The following SLC24A4 variants were observed in gnomAD, a reference collection of about 807,000 sequenced individuals.
SLC24A4 encodes sodium/potassium/calcium exchanger 4.
Under a neutral mutation model 79.0 loss-of-function variants are expected in SLC24A4, and 53 were observed. The observed-to-expected ratio is 0.67, with a 90% confidence interval of 0.54 to 0.84. The LOEUF is 0.84. Among genes scored for constraint, SLC24A4 ranks in the 40% least tolerant of loss-of-function variants. SLC24A4 has a pLI of 0.00. For synonymous variants in SLC24A4, 323 were observed against 323.8 expected, an observed-to-expected ratio of 1.00 and a Z score of 0.03; for missense variants, 731 against 822.0, an observed-to-expected ratio of 0.89 and a Z score of 1.35.
chr14:92,324,176 G>T (rs571874818), intron 1 of SLC24A4, among the ~76,000 whole-genome samples: 32 of 147,930 alleles, frequency 2.2e-4, no homozygotes, highest in African/African-American at 7.3e-4. Flanking sequence ...AGCGGCCCCT[G>T]GGGGGGCTCA....
At chr14:92,447,332 G>C in intron 8 of SLC24A4, 39 bp from the exon 9 acceptor site, 1 of 1,604,742 alleles carries the variant, frequency 6.2e-7, no homozygotes, top group Non-Finnish European at 8.5e-7. Context: ...CCTGCCCCGG[G>C]CCCCGAGCTC....
At chr14:92,440,668 C>G (rs1892441271) in intron 4 of SLC24A4, among the ~76,000 whole-genome samples, 1 of 151,750 alleles carries the variant, frequency 6.6e-6, no homozygotes, top group Admixed American at 6.6e-5. Flanking sequence ...TAGAGGTGAG[C>G]AAGGGTGGTG....
chr14:92,445,761 T>C (rs1290989686), intron 8 of SLC24A4, among the ~76,000 whole-genome samples: 1 of 152,134 alleles, frequency 6.6e-6, no homozygotes, highest in Non-Finnish European at 1.5e-5. Context: ...CAACACAACA[T>C]CAGATCCCTA....
At chr14:92,339,539 C>T (rs756711437) in intron 2 of SLC24A4, among the ~76,000 whole-genome samples, 2 of 152,182 alleles carry the variant, frequency 1.3e-5, no homozygotes, top group Non-Finnish European at 2.9e-5. Context: ...TCTCCCAGCT[C>T]GGAATTGGCA....
rs1331468912 is a variant in SLC24A4, at chr14:92,487,895, G to A, written c.1537+1115G>A. On this transcript the variant is annotated intron_variant, in intron 14 of 16. Transcript: ENST00000532405. ...CGCAATCCTTGGGTCTCCCTGGCTT[G>A]TAGCTGCATCACTCCAATCTCTGCC... is the stretch of plus-strand genomic sequence containing the variant. Among the ~76,000 whole-genome samples the A allele has an allele frequency of 3.3e-5, 5 of 152,110 alleles. No individual in the cohort carries two copies. In the South Asian group the frequency reaches 6.2e-4, roughly 19 times the overall value.
chr14:92,367,521 A>T (rs6575251), intron 2 of SLC24A4, among the ~76,000 whole-genome samples: 3 of 152,026 alleles, frequency 2.0e-5, no homozygotes, highest in Non-Finnish European at 4.4e-5. Context: ...TGGGAAGATG[A>T]GATTTGAGGT....
At position 92,431,955 on chromosome 14, in the gene SLC24A4, G is replaced by A. The variant is rs565131705; in HGVS notation, c.242-1957G>A. ...ATCAGGTCCCACTGTGAGTGCTGGC[G>A]TAGATGCCTGGGTGCTCTGAGCTGC... On this transcript the variant is annotated intron_variant, in intron 2 of 16. Transcript: ENST00000532405. Among the ~76,000 whole-genome samples the A allele has an allele frequency of 2.6e-5, 4 of 152,324 alleles. No homozygotes were observed. The East Asian group carries it at 5.8e-4, about 22-fold the overall frequency.
chr14:92,372,867 C>CCCCT (rs1279675384), intron 2 of SLC24A4, among the ~76,000 whole-genome samples: 1 of 109,814 alleles, frequency 9.1e-6, no homozygotes, highest in African/African-American at 3.6e-5. Flanking sequence ...GGGTCACTGT[C>CCCCT]CCTTCCTTCC....
intron 2 of SLC24A4, among the ~76,000 whole-genome samples, chr14:92,368,200 A>ATAAT (rs1887958291): frequency 6.6e-6 from 1 of 152,228 alleles, no homozygotes; most frequent in Admixed American, 6.5e-5. Flanking sequence ...CCAGACAGAA[A>ATAAT]CAATGGGCAA....
At position 92,486,553 on chromosome 14, in the gene SLC24A4, A is replaced by C. The variant is rs1452710487; in HGVS notation, c.1423-113A>C. On this transcript the variant is annotated intron_variant, in intron 13 of 16. Transcript: ENST00000532405. ...GTTTTGTTTTAAAAGAGGCAGCCCC[A>C]GTAATTCTAAAATAACTGTTTCCTA... 4.5e-6 allele frequency: 3 copies of C among 673,570 alleles called. No individual in the cohort carries two copies. The African/African-American group carries it at 5.5e-5, about 12-fold the overall frequency. The allele number at this position is 673,570 out of a possible 1,614,324, so 41.7% of individuals were successfully genotyped here.
chr14:92,475,657 T>A (rs1375170407), intron 12 of SLC24A4, among the ~76,000 whole-genome samples: 1 of 152,056 alleles, frequency 6.6e-6, no homozygotes, highest in Admixed American at 6.6e-5. Flanking sequence ...GCACTAGCAA[T>A]GGTGTCATTT....
chr14:92,486,371 G>T (rs1410407417), intron 13 of SLC24A4, among the ~76,000 whole-genome samples: 1 of 152,160 alleles, frequency 6.6e-6, no homozygotes, highest in Non-Finnish European at 1.5e-5. Flanking sequence ...GGCTCAGAGG[G>T]CCTGGGCATG....
intron 12 of SLC24A4, among the ~76,000 whole-genome samples, chr14:92,463,260 T>C (rs888835787): frequency 6.6e-6 from 1 of 152,118 alleles, no homozygotes; most frequent in African/African-American, 2.4e-5. Context: ...GAGAGAGGTC[T>C]TTGTGGTCCT....
intron 1 of SLC24A4, among the ~76,000 whole-genome samples, 159 bp from the exon 2 acceptor site, chr14:92,325,709 A>G (rs1402270924): frequency 6.6e-6 from 1 of 152,214 alleles, no homozygotes; most frequent in African/African-American, 2.4e-5. Context: ...GTATGTAAGC[A>G]GGTGATATTA....
At chr14:92,347,790 G>T (rs1886626092) in intron 2 of SLC24A4, among the ~76,000 whole-genome samples, 1 of 152,136 alleles carries the variant, frequency 6.6e-6, no homozygotes, top group South Asian at 2.1e-4. Flanking sequence ...AGCCAGGCTT[G>T]GTGGTGGGCA....
At chr14:92,457,631 C>T (rs1374177993) in intron 12 of SLC24A4, 1 of 152,562 alleles carries the variant, frequency 6.6e-6, no homozygotes, top group Non-Finnish European at 1.5e-5. Context: ...TCCCAGGACC[C>T]ACCCCGCCTG....
Position 92,441,258 on chromosome 14 carries a change from T to G in SLC24A4, c.394-831T>G, listed in dbSNP as rs572338179. ...GCAGAGTGGGCGCCTCCAGATTGGT[T>G]TTCAGGCAGACCCTCAGTCTCCACG... On this transcript the variant is annotated intron_variant, in intron 4 of 16. Transcript: ENST00000532405. This position sits in a 1 kb window ranked among gnomAD's most constrained non-coding sequence, Gnocchi z 4.6. 5.3e-5 allele frequency among the ~76,000 whole-genome samples: 8 copies of G among 152,086 alleles called. No individual in the cohort carries two copies. The highest frequency in any genetic ancestry group is 1.2e-4 in the Non-Finnish European group (8 of 68,000).
intron 15 of SLC24A4, among the ~76,000 whole-genome samples, 185 bp downstream of exon 15, chr14:92,491,962 G>A (rs2182837): frequency 0.16 from 24,271 of 152,032 alleles, 2,185 homozygotes; most frequent in East Asian, 0.3. Context: ...TCAGCCCGCT[G>A]GCGTGCCTCT....
intron 2 of SLC24A4, 41 bp from the exon 3 acceptor site, chr14:92,433,871 C>T (rs764793394): frequency 6.4e-7 from 1 of 1,553,744 alleles, no homozygotes; most frequent in East Asian, 2.2e-5. Flanking sequence ...TCGGGAGGCC[C>T]ATAGATAACT....
Sources: gnomAD v4.1 joint callset for allele counts (sites outside exome capture counted in the v4.1 genomes callset) on GRCh38, gnomAD v4.1.1 for gene constraint, Gnocchi (gnomAD v3.1) non-coding constraint, MANE v1.5 for transcripts, NCBI Gene and HGNC (gene_info 2026-07-23, HGNC 2026-07-21) for gene names.